The following ZNF536 variants were observed in gnomAD, a reference collection of about 807,000 sequenced individuals.
ZNF536 encodes zinc finger protein 536.
In ZNF536, 13 loss-of-function variants were observed where a neutral mutation model predicts 84.5. The observed-to-expected ratio is 0.15, with a 90% CI of 0.10 to 0.24. ZNF536 has a LOEUF of 0.24. Among genes scored for constraint, ZNF536 ranks in the 10% least tolerant of loss-of-function variants. ZNF536 has a pLI of 1.00. For synonymous variants in ZNF536, 811 were observed against 742.5 expected (o/e 1.09, Z -1.50); for missense variants, 1,536 against 1,747.5 (o/e 0.88, Z 2.16).
At chr19:30,492,721 G>A (rs1202527707) in intron 2 of ZNF536, among the ~76,000 whole-genome samples, 1 of 152,120 alleles carries the variant, frequency 6.6e-6, no homozygotes, top group Admixed American at 6.5e-5. Flanking sequence ...TATGCTGTTG[G>A]CTCTTACTCA....
downstream of ZNF536, among the ~76,000 whole-genome samples, chr19:30,562,571 C>T (rs1168954524): frequency 1.3e-5 from 2 of 152,112 alleles, no homozygotes; most frequent in Non-Finnish European, 2.9e-5. Context: ...ACCTGTCGAG[C>T]TCACAGTTGA....
intron 1 of ZNF536, among the ~76,000 whole-genome samples, chr19:30,436,312 C>G (rs1247010149): frequency 2.0e-5 from 3 of 152,204 alleles, no homozygotes; most frequent in Non-Finnish European, 4.4e-5. Flanking sequence ...ATGGCACTGT[C>G]TACACATCAG....
chr19:30,459,690 G>A (rs1022809117), intron 2 of ZNF536, among the ~76,000 whole-genome samples: 1 of 152,044 alleles, frequency 6.6e-6, no homozygotes, highest in Admixed American at 6.6e-5. Flanking sequence ...TCACGGGGTC[G>A]GCCTCACTGG....
intron 2 of ZNF536, among the ~76,000 whole-genome samples, chr19:30,326,666 G>C (rs28594681): frequency 6.6e-6 from 1 of 151,580 alleles, no homozygotes; most frequent in African/African-American, 2.4e-5. Context: ...GACGGCTTTC[G>C]ATGCGGGAGG....
At chr19:30,582,824 A>G (rs1217876919) in intron 1 of ZNF536, among the ~76,000 whole-genome samples, 1 of 152,100 alleles carries the variant, frequency 6.6e-6, no homozygotes, top group Non-Finnish European at 1.5e-5. Context: ...TACCATGAAA[A>G]CAGTGTGGGG....
At chr19:30,610,415 G>T (rs1462468761) in intron 1 of ZNF536, among the ~76,000 whole-genome samples, 1 of 152,092 alleles carries the variant, frequency 6.6e-6, no homozygotes, top group Non-Finnish European at 1.5e-5. Flanking sequence ...CCCCCTTGGT[G>T]GCCAGTCCTT....
chr19:30,435,627 G>A (rs909328170), intron 1 of ZNF536, among the ~76,000 whole-genome samples: 1 of 152,118 alleles, frequency 6.6e-6, no homozygotes, highest in South Asian at 2.1e-4. Flanking sequence ...TGCTGCTGCT[G>A]AGGGTTGTTG....
chr19:30,424,710 T>A (rs1321688525), intron 1 of ZNF536, among the ~76,000 whole-genome samples: 1 of 152,176 alleles, frequency 6.6e-6, no homozygotes, highest in African/African-American at 2.4e-5. Context: ...CTCTGGAACA[T>A]CATGCCTAAC....
chr19:30,564,466 C>A (rs142258542), intron 1 of ZNF536, among the ~76,000 whole-genome samples: 10 of 152,112 alleles, frequency 6.6e-5, no homozygotes, highest in East Asian at 3.9e-4. Context: ...GGCAGGGAAC[C>A]TTTTCCGAAG....
At chr19:30,685,715 C>A (rs993148784) in intron 1 of ZNF536, among the ~76,000 whole-genome samples, 1 of 152,170 alleles carries the variant, frequency 6.6e-6, no homozygotes, top group African/African-American at 2.4e-5. Context: ...GAAATGGCCC[C>A]GTGCAGAGGC....
At chr19:30,225,807 GC>G (rs960141762), upstream of ZNF536, among the ~76,000 whole-genome samples, 7 of 150,752 alleles carry the variant, frequency 4.6e-5, no homozygotes, top group East Asian at 2.0e-4. Flanking sequence ...TCTTGGCGCG[GC>G]CCCCCCGTCC....
intron 1 of ZNF536, among the ~76,000 whole-genome samples, chr19:30,268,346 C>T (rs906364272): frequency 6.6e-6 from 1 of 152,136 alleles, no homozygotes; most frequent in Non-Finnish European, 1.5e-5. Context: ...CACCTCTCAA[C>T]CCATCACTAT....
chr19:30,493,350 T>G (rs2054587820), intron 2 of ZNF536, among the ~76,000 whole-genome samples: 1 of 152,174 alleles, frequency 6.6e-6, no homozygotes, highest in East Asian at 1.9e-4. Context: ...GGCATGCCCA[T>G]GCAGAGAACG....
intron 1 of ZNF536, among the ~76,000 whole-genome samples, chr19:30,233,539 G>A (rs2023241614): frequency 6.6e-6 from 1 of 151,724 alleles, no homozygotes. Context: ...TTAGAGATGG[G>A]GTCTTGCTAT....
At chr19:30,508,786 C>T (rs959995398) in intron 2 of ZNF536, among the ~76,000 whole-genome samples, 3 of 150,534 alleles carry the variant, frequency 2.0e-5, no homozygotes, top group Non-Finnish European at 4.4e-5. Flanking sequence ...TGGGTGTGGG[C>T]ACCGTGGTTC....
intron 2 of ZNF536, among the ~76,000 whole-genome samples, chr19:30,319,492 G>A (rs2046788889): frequency 6.6e-6 from 1 of 152,158 alleles, no homozygotes; most frequent in South Asian, 2.1e-4. Flanking sequence ...ATTGTGATTA[G>A]CCAGCCCTTG....
chr19:30,613,180 C>T (rs754089473), intron 1 of ZNF536, among the ~76,000 whole-genome samples: 10 of 152,132 alleles, frequency 6.6e-5, no homozygotes, highest in Non-Finnish European at 1.3e-4. Context: ...TTGGGTCACT[C>T]GGTTAAGATA....
intron 1 of ZNF536, among the ~76,000 whole-genome samples, chr19:30,261,572 G>A (rs2145274856): frequency 6.6e-6 from 1 of 151,538 alleles, no homozygotes; most frequent in Admixed American, 6.6e-5. Flanking sequence ...GGTGGTGCAT[G>A]CCTGTAGTCC....
At chr19:30,457,631 C>T (rs1248173629) in intron 2 of ZNF536, among the ~76,000 whole-genome samples, 1 of 152,246 alleles carries the variant, frequency 6.6e-6, no homozygotes, top group Non-Finnish European at 1.5e-5. Context: ...GGCTCCAGCT[C>T]ATGGCCCCCT....
Sources: gnomAD v4.1 joint callset for allele counts (sites outside exome capture counted in the v4.1 genomes callset) on GRCh38, gnomAD v4.1.1 for gene constraint, MANE v1.5 for transcripts, NCBI Gene and HGNC (gene_info 2026-07-23, HGNC 2026-07-21) for gene names.